The following ZNF578 variants were observed in gnomAD, a reference collection of about 807,000 sequenced individuals.
The protein encoded by ZNF578 is Putative chemokine-related protein B42.
ZNF578 carries 8 observed loss-of-function variants against 8.3 expected under a neutral mutation model. That is an observed-to-expected ratio of 0.96 (90% CI 0.56 to 1.74). The LOEUF (loss-of-function observed/expected upper bound fraction) is 1.74. Ranked by LOEUF, ZNF578 falls within the 40% of genes most tolerant of loss-of-function variation. The pLI is 0.00. For synonymous variants in ZNF578, 206 were observed against 232.2 expected (o/e 0.89, Z 1.03); for missense variants, 726 against 707.5 (o/e 1.03, Z -0.30).
intron 2 of ZNF578, chr19:52,474,673 T>C (rs2059302455): frequency 6.7e-6 from 2 of 300,026 alleles, no homozygotes; most frequent in Admixed American, 4.3e-5. Flanking sequence ...TCTCTGATGA[T>C]TGATAAGGGA....
intron 2 of ZNF578, among the ~76,000 whole-genome samples, chr19:52,482,594 C>T (rs915138718): frequency 1.6e-4 from 24 of 151,460 alleles, no homozygotes; most frequent in Admixed American, 3.9e-4. Flanking sequence ...GCCAAGGTTG[C>T]GCCACTGCAC....
In ZNF578 at chr19:52,501,835, T is replaced by G. The variant is rs182364838; in HGVS notation, c.-11T>G. ...TTTTCTTCCACATACAGGATTGATT[T>G]CTAAAGACTCATGTTACATGAGGAA... On this transcript the variant is annotated 5_prime_UTR_variant, in exon 4 of 6. Transcript: ENST00000421239. 5 of 1,612,942 alleles carry G rather than the reference T, an allele frequency of 3.1e-6. No homozygotes were observed. The highest frequency in any genetic ancestry group is 4.2e-6 in the Non-Finnish European group (5 of 1,179,588).
At chr19:52,463,971 C>T (rs1027435925) in intron 2 of ZNF578, among the ~76,000 whole-genome samples, 3 of 152,094 alleles carry the variant, frequency 2.0e-5, no homozygotes, top group Non-Finnish European at 2.9e-5. Flanking sequence ...CAACAAATTC[C>T]GCTAAATTAA....
chr19:52,500,832 C>T (rs2059404201), intron 3 of ZNF578, among the ~76,000 whole-genome samples: 1 of 151,114 alleles, frequency 6.6e-6, no homozygotes, highest in Non-Finnish European at 1.5e-5. Flanking sequence ...GATTTTGGGC[C>T]CCAAGATTTA....
chr19:52,470,559 A>T (rs2059288830), intron 2 of ZNF578, among the ~76,000 whole-genome samples: 1 of 152,126 alleles, frequency 6.6e-6, no homozygotes, highest in Non-Finnish European at 1.5e-5. Flanking sequence ...GGAGATTGAC[A>T]TTGGAGTCAG....
At chr19:52,486,267 A>C (rs1433304039) in intron 2 of ZNF578, among the ~76,000 whole-genome samples, 1 of 152,046 alleles carries the variant, frequency 6.6e-6, no homozygotes, top group East Asian at 1.9e-4. Flanking sequence ...ACCCTTCCCC[A>C]CTATTACCCT....
chr19:52,498,722 A>G (rs1385280961), intron 3 of ZNF578, among the ~76,000 whole-genome samples: 1 of 125,454 alleles, frequency 8.0e-6, no homozygotes, highest in African/African-American at 3.3e-5. Flanking sequence ...GTGTCACCCT[A>G]TCACCCAGGC....
rs1458248926 is a variant in ZNF578 at position 52,457,554 on chromosome 19, G to A, written c.-122+596G>A. 6 of 151,878 alleles carry A rather than the reference G, an allele frequency of 4.0e-5. No homozygotes were observed. In the East Asian group the frequency reaches 7.8e-4, roughly 20 times the overall value. The allele number at this position is 151,878 out of a possible 1,614,324, so 9.4% of individuals were successfully genotyped here. A position where few individuals can be genotyped will look rare whatever the true frequency, so the allele number is the denominator to read the frequency against. Reference sequence around the variant, plus strand: ...ATAAGTTCTGAAGGCCTGGACTTGCGACTGGTGTGTATGGAGGCAATCTTG... The same window carrying A: ...ATAAGTTCTGAAGGCCTGGACTTGCAACTGGTGTGTATGGAGGCAATCTTG... On this transcript the variant is annotated intron_variant, in intron 2 of 5. Coordinates refer to ENST00000421239, the MANE Select transcript of ZNF578 (RefSeq NM_001099694.2).
intron 3 of ZNF578, among the ~76,000 whole-genome samples, chr19:52,494,669 A>G (rs1469909471): frequency 1.3e-5 from 2 of 152,168 alleles, no homozygotes; most frequent in African/African-American, 2.4e-5. Context: ...CATTCTATAA[A>G]TCTTGGTATC....
chr19:52,456,158 C>A (rs558108545), intron 1 of ZNF578: 38 of 152,350 alleles, frequency 2.5e-4, no homozygotes, highest in African/African-American at 9.1e-4. Flanking sequence ...TGTGACCCTT[C>A]CCCTGTCACA....
rs550718444 is a variant in ZNF578 at position 52,499,962 on chromosome 19, C to T, written c.-19-1865C>T. On this transcript the variant is annotated intron_variant, in intron 3 of 5. Transcript: ENST00000421239. Reference sequence around the variant, plus strand: ...CCTCTCTTCCACTGTTCCAGCCCCACGGGCCGCTTTCCTTTTCCTGGGGCT... The same window carrying T: ...CCTCTCTTCCACTGTTCCAGCCCCATGGGCCGCTTTCCTTTTCCTGGGGCT... Among the ~76,000 whole-genome samples, 13 of 152,266 alleles carry T rather than the reference C, an allele frequency of 8.5e-5. No homozygotes were observed. The South Asian group carries it at 2.7e-3, about 32-fold the overall frequency.
rs2059317069 is a variant in ZNF578 at position 52,479,099 on chromosome 19, C to G, written c.-121-12225C>G. ...CTGTCTGTGGAAACCATGGGTTATG[C>G]ATGGTAATCTCATGCAGAAGCTTAG... On this transcript the variant is annotated intron_variant, in intron 2 of 5. Coordinates refer to ENST00000421239, the MANE Select transcript of ZNF578 (RefSeq NM_001099694.2). 2.6e-5 allele frequency among the ~76,000 whole-genome samples: 4 copies of G among 152,038 alleles called. No individual in the cohort carries two copies. In the South Asian group the frequency reaches 8.3e-4, roughly 32 times the overall value.
At chr19:52,485,590 G>A (rs1195501829) in intron 2 of ZNF578, among the ~76,000 whole-genome samples, 1 of 152,124 alleles carries the variant, frequency 6.6e-6, no homozygotes, top group African/African-American at 2.4e-5. Context: ...GTAGAAAGAA[G>A]TAGACATAAG....
Position 52,459,770 on chromosome 19 carries a change from T to TATATATA in ZNF578, c.-122+2812_-122+2813insATATATA, listed in dbSNP as rs1491453615. ...GTGTGTGTATATATATATATATATA[T>TATATATA]TTTTTTTTTTTTTTTTTTTTTTTGA... On this transcript the variant is annotated intron_variant, in intron 2 of 5. Coordinates refer to ENST00000421239, the MANE Select transcript of ZNF578 (RefSeq NM_001099694.2). Among the ~76,000 whole-genome samples the TATATATA allele has an allele frequency of 5.6e-3, 41 of 7,278 alleles. 1 individual carries two copies. Among genetic ancestry groups the TATATATA allele is most frequent in the Non-Finnish European group, 0.012 (27 of 2,178 alleles). The allele number at this position is 7,278 out of a possible 152,430, so 4.8% of individuals were successfully genotyped here. A position where few individuals can be genotyped will look rare whatever the true frequency, so the allele number is the denominator to read the frequency against.
At chr19:52,453,652 G>A (rs324093) in intron 1 of ZNF578, 45 bp downstream of exon 1, 9,980 of 152,394 alleles carry the variant, frequency 0.065, 1,123 homozygotes, top group African/African-American at 0.23. Context: ...CAGCGCTTCT[G>A]TACCTGGTGT....
rs650909 is a variant in ZNF578, at chr19:52,516,013, G to C, written c.*3859G>C. 0.25 allele frequency among the ~76,000 whole-genome samples: 37,341 copies of C among 151,804 alleles called. 6,440 individuals carry two copies. Among genetic ancestry groups the C allele is most frequent in the African/African-American group, 0.5 (20,522 of 41,262 alleles). ...AGCCCCGTGTGCAGGGCCCCTGCCAGTGTCCAGCCTCCTCCTGGCAGCTTG... is the reference window on the plus strand; with the variant it reads ...AGCCCCGTGTGCAGGGCCCCTGCCACTGTCCAGCCTCCTCCTGGCAGCTTG... On this transcript the variant is annotated 3_prime_UTR_variant, in exon 6 of 6. Coordinates refer to ENST00000421239, the MANE Select transcript of ZNF578 (RefSeq NM_001099694.2).
intron 5 of ZNF578, among the ~76,000 whole-genome samples, chr19:52,508,807 A>G (rs1455825534): frequency 6.6e-6 from 1 of 151,812 alleles, no homozygotes; most frequent in Middle Eastern, 3.2e-3. Flanking sequence ...AAAAAAAAAA[A>G]AAAGAAATCT....
At position 52,512,561 on chromosome 19, in the gene ZNF578, A is replaced by T. The variant is rs570127043; in HGVS notation, c.*407A>T. ...TTCAGTCAAGCTTCATCCTATGCAAAACATAGGAGAATTCATGCAGGAGAG... is the reference window on the plus strand; with the variant it reads ...TTCAGTCAAGCTTCATCCTATGCAATACATAGGAGAATTCATGCAGGAGAG... On this transcript the variant is annotated 3_prime_UTR_variant, in exon 6 of 6. Transcript: ENST00000421239. Among the ~76,000 whole-genome samples, 6 of 152,066 alleles carry T rather than the reference A, an allele frequency of 3.9e-5. No homozygotes were observed. The South Asian group carries it at 1.2e-3, about 32-fold the overall frequency.
In ZNF578 at chr19:52,512,010, T is replaced by C. The variant is rs1290782167; in HGVS notation, c.1629T>C (p.Val543=). The C allele has an allele frequency of 6.2e-7, 1 of 1,613,024 alleles. No homozygotes were observed. The highest frequency in any genetic ancestry group is 8.5e-7 in the Non-Finnish European group (1 of 1,179,682). The change falls in exon 6 of 6, where the codon GTT becomes GTC. Residue 543 remains valine (V), a synonymous_variant. Transcript: ENST00000421239. ...HTGEKPYKCK[V]CDKAFMCHSY... ...GAGAGAAACCTTACAAATGTAAGGT[T>C]TGTGACAAGGCTTTCATGTGCCATT... is the stretch of plus-strand genomic sequence containing the variant.
Sources: gnomAD v4.1 joint callset for allele counts (sites outside exome capture counted in the v4.1 genomes callset) on GRCh38, gnomAD v4.1.1 for gene constraint, MANE v1.5 for transcripts, NCBI Gene and HGNC (gene_info 2026-07-23, HGNC 2026-07-21) for gene names.